ARHGAP15: variants seen among roughly 807,000 people sequenced by gnomAD.
ARHGAP15 encodes the protein rho GTPase-activating protein 15.
ARHGAP15 carries 51 observed loss-of-function variants against 63.7 expected under a neutral mutation model. That is an observed-to-expected ratio of 0.80 (90% CI 0.64 to 1.01). ARHGAP15 has a LOEUF of 1.01. Ranked by LOEUF, ARHGAP15 falls within the 50% of genes least tolerant of loss-of-function variation. The pLI, the probability that ARHGAP15 is intolerant of heterozygous loss-of-function variation, is 0.00. For missense variants in ARHGAP15, 560 were observed against 564.6 expected, an observed-to-expected ratio of 0.99 and a Z score of 0.08; for synonymous variants, 191 against 193.8, an observed-to-expected ratio of 0.99 and a Z score of 0.12.
At chr2:143,630,026 C>T (rs1014303880) in intron 12 of ARHGAP15, among the ~76,000 whole-genome samples, 2 of 152,146 alleles carry the variant, frequency 1.3e-5, no homozygotes, top group African/African-American at 2.4e-5. Context: ...TATTTTATAT[C>T]ATCCTACAGA....
chr2:143,155,611 A>C lies in ARHGAP15; in HGVS notation c.121A>C (p.Ser41Arg). 1 of 1,606,804 alleles carries C rather than the reference A, an allele frequency of 6.2e-7. No homozygotes were observed. Among genetic ancestry groups the C allele is most frequent in the African/African-American group, 1.3e-5 (1 of 74,402 alleles). ...ANSHHDRLSQ[S>R]KSMILTDVGK... ...CAGCCACCATGACAGGCTCAGCCAA[A>C]GTAAATCCATGATCCTCACCGATGT... The change falls in exon 2 of 14, where the codon AGT becomes CGT. Residue 41 changes from serine (S) to arginine (R), a missense_variant. Transcript: ENST00000295095.
At chr2:143,327,200 C>T (rs1354117480) in intron 6 of ARHGAP15, among the ~76,000 whole-genome samples, 1 of 152,296 alleles carries the variant, frequency 6.6e-6, no homozygotes, top group Admixed American at 6.5e-5. Flanking sequence ...ATACCACTTA[C>T]AATGGATATG....
At chr2:143,488,686 G>T (rs1159034585) in intron 9 of ARHGAP15, among the ~76,000 whole-genome samples, 1 of 152,150 alleles carries the variant, frequency 6.6e-6, no homozygotes, top group Non-Finnish European at 1.5e-5. Context: ...AAAAAGATTA[G>T]CATTTAAATA....
chr2:143,613,806 C>G (rs1413759525), intron 11 of ARHGAP15, among the ~76,000 whole-genome samples: 1 of 152,166 alleles, frequency 6.6e-6, no homozygotes, highest in Non-Finnish European at 1.5e-5. Context: ...AGCTGAGCTT[C>G]TTGCTCATTG....
chr2:143,497,466 C>A (rs1692866132), intron 9 of ARHGAP15, among the ~76,000 whole-genome samples: 2 of 152,138 alleles, frequency 1.3e-5, no homozygotes, highest in Non-Finnish European at 2.9e-5. Context: ...TAAAGGTTAG[C>A]ATTTATTATT....
intron 11 of ARHGAP15, chr2:143,608,269 G>A (rs1698116744): frequency 6.6e-6 from 1 of 152,172 alleles, no homozygotes; most frequent in South Asian, 2.1e-4. Flanking sequence ...GGATTTTGTT[G>A]CTGTTGTTAT....
In ARHGAP15 at chr2:143,505,633, A is replaced by G. The variant is rs1050965577; in HGVS notation, c.827-13633A>G. On this transcript the variant is annotated intron_variant, in intron 9 of 13. Transcript: ENST00000295095. ...ACTAGCAGACCACAGTGCTCAGAACAGCCCATGGGGAATGGCATTCCTGAG... is the reference window on the plus strand; with the variant it reads ...ACTAGCAGACCACAGTGCTCAGAACGGCCCATGGGGAATGGCATTCCTGAG... Among the ~76,000 whole-genome samples, 5 of 152,234 alleles carry G rather than the reference A, an allele frequency of 3.3e-5. No individual in the cohort carries two copies. The East Asian group carries it at 9.6e-4, about 29-fold the overall frequency.
At chr2:143,316,872 TC>T in intron 6 of ARHGAP15, among the ~76,000 whole-genome samples, 1 of 152,164 alleles carries the variant, frequency 6.6e-6, no homozygotes, top group East Asian at 1.9e-4. Context: ...TAGTATATTT[TC>T]CAAAAGTAGT....
chr2:143,732,348 T>G (rs953197011), intron 13 of ARHGAP15, among the ~76,000 whole-genome samples: 4 of 152,232 alleles, frequency 2.6e-5, no homozygotes, highest in African/African-American at 9.6e-5. Context: ...CCTTCATCCC[T>G]TATTTTTTCT....
intron 11 of ARHGAP15, among the ~76,000 whole-genome samples, chr2:143,575,902 T>G (rs747438496): frequency 3.9e-5 from 6 of 152,092 alleles, no homozygotes; most frequent in Non-Finnish European, 7.4e-5. Flanking sequence ...ATAGTCTTAT[T>G]CTGGGGGCAA....
intron 12 of ARHGAP15, among the ~76,000 whole-genome samples, chr2:143,682,056 T>A (rs939723964): frequency 2.6e-5 from 4 of 152,242 alleles, no homozygotes; most frequent in Non-Finnish European, 5.9e-5. Context: ...TGGTGATTAG[T>A]TGCCCAAAGA....
intron 9 of ARHGAP15, among the ~76,000 whole-genome samples, chr2:143,498,168 A>T (rs1393161760): frequency 1.3e-5 from 2 of 152,180 alleles, no homozygotes; most frequent in Non-Finnish European, 2.9e-5. Context: ...GATTCAAAAA[A>T]AACTTGCATT....
chr2:143,397,408 GGTCA>G lies in ARHGAP15; in HGVS notation c.475-38192_475-38189del, dbSNP rs1206632229. Among the ~76,000 whole-genome samples the G allele has an allele frequency of 4.6e-5, 7 of 150,644 alleles. No individual in the cohort carries two copies. In the East Asian group the frequency reaches 1.4e-3, roughly 29 times the overall value. On this transcript the variant is annotated intron_variant, in intron 6 of 13. Coordinates refer to ENST00000295095, the MANE Select transcript of ARHGAP15 (RefSeq NM_018460.4). ...ATGTGTGACTAGTACTTACATTTCTGGTCATTTGTTTTGCATGAACAATTTTTTA... is the reference window on the plus strand; with the variant it reads ...ATGTGTGACTAGTACTTACATTTCTGTTTGTTTTGCATGAACAATTTTTTA...
At chr2:143,382,434 A>G (rs1362510668) in intron 6 of ARHGAP15, among the ~76,000 whole-genome samples, 1 of 152,116 alleles carries the variant, frequency 6.6e-6, no homozygotes, top group Non-Finnish European at 1.5e-5. Flanking sequence ...TTGCTGTCAC[A>G]TGGTGTTCTC....
chr2:143,170,113 C>A (rs6756021), intron 2 of ARHGAP15, among the ~76,000 whole-genome samples: 51,501 of 150,192 alleles, frequency 0.34, 9,243 homozygotes, highest in East Asian at 0.54. Context: ...CTTCCAACAC[C>A]CACCTACATT....
At chr2:143,738,537 A>T (rs574038953) in intron 13 of ARHGAP15, among the ~76,000 whole-genome samples, 1 of 152,322 alleles carries the variant, frequency 6.6e-6, no homozygotes, top group East Asian at 1.9e-4. Context: ...CTCTTCGAAC[A>T]TCATGGAGAC....
At chr2:143,408,591 G>T (rs1237781029) in intron 6 of ARHGAP15, among the ~76,000 whole-genome samples, 1 of 151,696 alleles carries the variant, frequency 6.6e-6, no homozygotes, top group East Asian at 1.9e-4. Context: ...TTTTGCCAAA[G>T]GTGATTTCAA....
intron 12 of ARHGAP15, among the ~76,000 whole-genome samples, chr2:143,670,412 C>A (rs968033808): frequency 1.3e-5 from 2 of 152,178 alleles, no homozygotes; most frequent in African/African-American, 4.8e-5. Context: ...ATGACTCAGA[C>A]TTTTGCCCAG....
At chr2:143,489,357 A>G (rs1365306709) in intron 9 of ARHGAP15, among the ~76,000 whole-genome samples, 2 of 152,202 alleles carry the variant, frequency 1.3e-5, no homozygotes, top group Admixed American at 6.5e-5. Flanking sequence ...TAACTGACCA[A>G]TGAGTCAGTA....
Sources: allele counts gnomAD v4.1 joint callset (sites outside exome capture counted in the v4.1 genomes callset), GRCh38; gene constraint gnomAD v4.1.1; transcripts MANE v1.5; gene names NCBI Gene and HGNC (gene_info 2026-07-23, HGNC 2026-07-21).